The following TSHZ2 variants were observed in gnomAD, a reference collection of about 807,000 sequenced individuals.
The protein encoded by TSHZ2 is teashirt zinc finger homeobox 2, also known as teashirt homolog 2.
Under a neutral mutation model 74.4 loss-of-function variants are expected in TSHZ2, and 21 were observed. The ratio of observed to expected loss-of-function variants is 0.28; its 90% confidence interval spans 0.20 to 0.41. The LOEUF is 0.41. Among genes scored for constraint, TSHZ2 ranks in the 10% least tolerant of loss-of-function variants. The probability of loss-of-function intolerance (pLI) is 1.00; values close to 1 mark genes in which losing one functional copy is unlikely to be tolerated. For synonymous variants in TSHZ2, 540 were observed against 515.3 expected (o/e 1.05, Z -0.65); for missense variants, 1,244 against 1,293.5 (o/e 0.96, Z 0.59).
rs1280899412 is a variant in TSHZ2 at position 53,489,601 on chromosome 20, GA to G, written c.*2472del. 6.3e-6 allele frequency: 1 copy of G among 159,502 alleles called. No homozygotes were observed. The highest frequency in any genetic ancestry group is 1.8e-4 in the East Asian group (1 of 5,648). The allele number at this position is 159,502 out of a possible 1,614,324, so 9.9% of individuals were successfully genotyped here. ...TGGAAATTGTTTCCCTTCTAAGGAA[GA>G]AAAAATAAATCATCTGCTTCAACAT... On this transcript the variant is annotated 3_prime_UTR_variant, in exon 3 of 3. Coordinates refer to ENST00000371497, the MANE Select transcript of TSHZ2 (RefSeq NM_173485.6).
At chr20:53,221,905 A>G (rs1304672476) in intron 1 of TSHZ2, among the ~76,000 whole-genome samples, 2 of 152,206 alleles carry the variant, frequency 1.3e-5, no homozygotes, top group Non-Finnish European at 2.9e-5. Flanking sequence ...GTTCATTCAA[A>G]TTACTCACAA....
chr20:53,369,264 CAAAG>C (rs1403773530), intron 2 of TSHZ2, among the ~76,000 whole-genome samples: 1 of 151,944 alleles, frequency 6.6e-6, no homozygotes, highest in Admixed American at 6.6e-5. Context: ...GACCTTGTCT[CAAAG>C]AAAAAGAAGA....
intron 2 of TSHZ2, among the ~76,000 whole-genome samples, chr20:53,347,441 A>G (rs1980480304): frequency 6.6e-6 from 1 of 151,556 alleles, no homozygotes; most frequent in East Asian, 1.9e-4. Context: ...TCCTCTGCCC[A>G]GTGTCACCTC....
intron 2 of TSHZ2, among the ~76,000 whole-genome samples, chr20:53,458,453 T>A (rs1035502577): frequency 2.0e-5 from 3 of 152,164 alleles, no homozygotes; most frequent in Admixed American, 6.6e-5. Context: ...TCTCTCTTTT[T>A]TTCTTTATTA....
At chr20:53,148,705 TC>T (rs1346325395) in intron 1 of TSHZ2, among the ~76,000 whole-genome samples, 1 of 152,198 alleles carries the variant, frequency 6.6e-6, no homozygotes, top group Non-Finnish European at 1.5e-5. Flanking sequence ...TGAAGACATC[TC>T]CCAATCTTTT....
At chr20:53,258,398 G>A (rs752317667) in intron 2 of TSHZ2, among the ~76,000 whole-genome samples, 11 of 152,120 alleles carry the variant, frequency 7.2e-5, no homozygotes, top group Non-Finnish European at 1.6e-4. Flanking sequence ...AATACTTAGA[G>A]AGAAGAAAGA....
At chr20:53,235,973 A>G (rs1989931386) in intron 1 of TSHZ2, among the ~76,000 whole-genome samples, 1 of 152,242 alleles carries the variant, frequency 6.6e-6, no homozygotes, top group Admixed American at 6.5e-5. Flanking sequence ...ATGCACATGT[A>G]ATTTTTTCCA....
Position 53,127,126 on chromosome 20 carries a change from C to T in TSHZ2, c.41-126373C>T, listed in dbSNP as rs79040039. Among the ~76,000 whole-genome samples, 1,307 of 152,268 alleles carry T rather than the reference C, an allele frequency of 8.6e-3. 24 individuals carry two copies. Among genetic ancestry groups the T allele is most frequent in the East Asian group, 0.059 (304 of 5,178 alleles). ...ACTATTGGTGGTATATTGATGGTAT[C>T]TATAGATGCACATGTGGATCTGTGT... is the stretch of plus-strand genomic sequence containing the variant. On this transcript the variant is annotated intron_variant, in intron 1 of 2. Transcript: ENST00000371497.
chr20:53,164,615 T>C (rs534163174), intron 1 of TSHZ2, among the ~76,000 whole-genome samples: 1 of 152,324 alleles, frequency 6.6e-6, no homozygotes, highest in African/African-American at 2.4e-5. Flanking sequence ...ACTAAGAAAC[T>C]AGTTATTTTT....
intron 1 of TSHZ2, among the ~76,000 whole-genome samples, chr20:52,979,032 A>G (rs1192042259): frequency 6.6e-6 from 1 of 152,158 alleles, no homozygotes; most frequent in African/African-American, 2.4e-5. Flanking sequence ...TTTGGCAAGC[A>G]GCTCTTCGAT....
intron 1 of TSHZ2, among the ~76,000 whole-genome samples, chr20:53,228,254 C>A (rs998056761): frequency 6.6e-6 from 1 of 151,950 alleles, no homozygotes; most frequent in Non-Finnish European, 1.5e-5. Flanking sequence ...TCCCTTTCAA[C>A]GTTGATGAAA....
intron 1 of TSHZ2, among the ~76,000 whole-genome samples, chr20:53,213,534 C>T (rs895642158): frequency 6.6e-6 from 1 of 151,838 alleles, no homozygotes; most frequent in Non-Finnish European, 1.5e-5. Context: ...GAACTCTATA[C>T]CATGGGTAAA....
rs146397451 is a variant in TSHZ2 at position 53,442,900 on chromosome 20, C to T, written c.*9-44244C>T. Among the ~76,000 whole-genome samples, 62 of 152,246 alleles carry T rather than the reference C, an allele frequency of 4.1e-4. 1 individual carries two copies. Among genetic ancestry groups the T allele is most frequent in the African/African-American group, 1.2e-3 (51 of 41,544 alleles). On this transcript the variant is annotated intron_variant, in intron 2 of 2. Transcript: ENST00000371497. Reference sequence around the variant, plus strand: ...GCTCTGGGCGTGATTGTTATTAAACCGTTTTTGAAGTAAAAACCAATTTGC... The same window carrying T: ...GCTCTGGGCGTGATTGTTATTAAACTGTTTTTGAAGTAAAAACCAATTTGC...
At chr20:53,379,234 T>C (rs156621) in intron 2 of TSHZ2, among the ~76,000 whole-genome samples, 1 of 151,822 alleles carries the variant, frequency 6.6e-6, no homozygotes, top group Non-Finnish European at 1.5e-5. Flanking sequence ...ATACAAAAAT[T>C]AGCCAGCCGT....
rs11474507 is a variant in TSHZ2, at chr20:53,378,341, AAATAATAATAATAATAAT to A, written c.*9-108780_*9-108763del. Among the ~76,000 whole-genome samples, 222 of 142,516 alleles carry A rather than the reference AAATAATAATAATAATAAT, an allele frequency of 1.6e-3. 3 individuals carry two copies. The highest frequency in any genetic ancestry group is 0.012 in the East Asian group (59 of 4,874). The allele number at this position is 142,516 out of a possible 152,430, so 93.5% of individuals were successfully genotyped here. A position where few individuals can be genotyped will look rare whatever the true frequency, so the allele number is the denominator to read the frequency against. On this transcript the variant is annotated intron_variant, in intron 2 of 2. Coordinates refer to ENST00000371497, the MANE Select transcript of TSHZ2 (RefSeq NM_173485.6). ...GGCGACAAAGCAAAACTTTGTATCA[AAATAATAATAATAATAAT>A]AATAATAATAATAATAATAATAGAA...
chr20:53,232,565 G>A (rs1232896304), intron 1 of TSHZ2, among the ~76,000 whole-genome samples: 1 of 152,054 alleles, frequency 6.6e-6, no homozygotes, highest in Admixed American at 6.5e-5. Flanking sequence ...AAGTAAGAAC[G>A]TTACAGTTGT....
chr20:53,433,961 C>T (rs372063617), intron 2 of TSHZ2, among the ~76,000 whole-genome samples: 12 of 152,194 alleles, frequency 7.9e-5, no homozygotes, highest in African/African-American at 1.7e-4. Context: ...CTCCACCTCC[C>T]GAGTTCAAGC....
At chr20:53,406,482 A>C (rs892219592) in intron 2 of TSHZ2, among the ~76,000 whole-genome samples, 2 of 151,764 alleles carry the variant, frequency 1.3e-5, no homozygotes, top group African/African-American at 4.9e-5. Context: ...TGAGCAAAGG[A>C]ACCAGCTTAA....
rs1205895252 is a variant in TSHZ2 at position 53,491,751 on chromosome 20, GGA to G, written c.*4617_*4618del. On this transcript the variant is annotated 3_prime_UTR_variant, in exon 3 of 3. Coordinates refer to ENST00000371497, the MANE Select transcript of TSHZ2 (RefSeq NM_173485.6). The stretch of plus-strand genomic sequence containing the variant: ...CTGTTTTAAAATGCTAGTACCAGGT[GGA>G]ACGCTATTTCTGCAACAGGACTCTG... 1.3e-5 allele frequency: 2 copies of G among 152,156 alleles called. No individual in the cohort carries two copies. Among genetic ancestry groups the G allele is most frequent in the East Asian group, 3.8e-4 (2 of 5,202 alleles). The allele number at this position is 152,156 out of a possible 1,614,324, so 9.4% of individuals were successfully genotyped here.
Sources: gnomAD v4.1 joint callset for allele counts (sites outside exome capture counted in the v4.1 genomes callset) on GRCh38, gnomAD v4.1.1 for gene constraint, MANE v1.5 for transcripts, NCBI Gene and HGNC (gene_info 2026-07-23, HGNC 2026-07-21) for gene names.